The following ADGRB3 variants were observed in gnomAD, a reference collection of about 807,000 sequenced individuals.
ADGRB3 encodes brain-specific angiogenesis inhibitor 3.
Under a neutral mutation model 193.4 loss-of-function variants are expected in ADGRB3, and 37 were observed. The observed-to-expected ratio is 0.19, with a 90% confidence interval of 0.15 to 0.25. The LOEUF (loss-of-function observed/expected upper bound fraction) is 0.25. Ranked by LOEUF, ADGRB3 falls within the 10% of genes least tolerant of loss-of-function variation. ADGRB3 has a pLI of 1.00. For synonymous variants in ADGRB3, 690 were observed against 644.2 expected, an observed-to-expected ratio of 1.07 and a Z score of -1.08; for missense variants, 1,637 against 1,852.9, an observed-to-expected ratio of 0.88 and a Z score of 2.14.
At chr6:69,208,332 A>C (rs970365132) in intron 17 of ADGRB3, among the ~76,000 whole-genome samples, 1 of 152,208 alleles carries the variant, frequency 6.6e-6, no homozygotes, top group African/African-American at 2.4e-5. Context: ...AAGTCCACCA[A>C]CATACCTCTT....
chr6:69,379,163 C>T (rs1562004319), intron 30 of ADGRB3, among the ~76,000 whole-genome samples: 1 of 151,828 alleles, frequency 6.6e-6, no homozygotes, highest in African/African-American at 2.4e-5. Context: ...TTGACAGCCA[C>T]CTGAATTCTA....
At chr6:68,637,222 T>C (rs780834273) in intron 1 of ADGRB3, among the ~76,000 whole-genome samples, 169 bp from the exon 2 acceptor site, 15 of 152,182 alleles carry the variant, frequency 9.9e-5, no homozygotes, top group Non-Finnish European at 4.4e-5. Context: ...ATCTGGAAAA[T>C]GCAGATCTAT....
At chr6:68,721,630 AT>A (rs1765582465) in intron 3 of ADGRB3, among the ~76,000 whole-genome samples, 5 of 9,570 alleles carry the variant, frequency 5.2e-4, no homozygotes, top group East Asian at 9.6e-3. Context: ...TATAATAAAT[AT>A]ATATATATAT....
chr6:68,889,524 A>G (rs1766012763), intron 3 of ADGRB3, among the ~76,000 whole-genome samples: 1 of 141,092 alleles, frequency 7.1e-6, no homozygotes, highest in Non-Finnish European at 1.5e-5. Context: ...TTTTTTTGAG[A>G]CGGCTTCTCG....
chr6:68,823,602 C>T (rs1767787111), intron 3 of ADGRB3, among the ~76,000 whole-genome samples: 1 of 151,906 alleles, frequency 6.6e-6, no homozygotes, highest in Non-Finnish European at 1.5e-5. Flanking sequence ...GGAAAGATGT[C>T]TTAGAACTGT....
At chr6:68,905,863 G>T (rs995380152) in intron 3 of ADGRB3, among the ~76,000 whole-genome samples, 7 of 152,054 alleles carry the variant, frequency 4.6e-5, no homozygotes, top group Non-Finnish European at 4.4e-5. Flanking sequence ...CACTGCCTCA[G>T]TTTTCTCACA....
intron 17 of ADGRB3, among the ~76,000 whole-genome samples, chr6:69,171,052 G>A (rs1356184253): frequency 6.6e-6 from 1 of 152,020 alleles, no homozygotes. Flanking sequence ...ATTCTAAAAA[G>A]ATATTTTATT....
intron 3 of ADGRB3, among the ~76,000 whole-genome samples, chr6:68,907,641 T>C (rs1211109012): frequency 1.3e-5 from 2 of 152,000 alleles, no homozygotes; most frequent in Non-Finnish European, 2.9e-5. Flanking sequence ...CTCTCAATGA[T>C]TTCCCAATGT....
intron 20 of ADGRB3, among the ~76,000 whole-genome samples, chr6:69,270,172 G>T (rs916283282): frequency 6.6e-6 from 1 of 152,018 alleles, no homozygotes; most frequent in African/African-American, 2.4e-5. Flanking sequence ...CGTCAAAAAT[G>T]GTTTTTAGAT....
intron 29 of ADGRB3, among the ~76,000 whole-genome samples, chr6:69,363,392 T>C (rs1769493830): frequency 6.6e-6 from 1 of 152,024 alleles, no homozygotes; most frequent in Non-Finnish European, 1.5e-5. Flanking sequence ...GATGTGGGAA[T>C]GAATAATAAA....
intron 8 of ADGRB3, among the ~76,000 whole-genome samples, chr6:68,960,698 G>T (rs1462902476): frequency 3.3e-5 from 5 of 152,060 alleles, no homozygotes; most frequent in Non-Finnish European, 7.4e-5. Flanking sequence ...ATCTTCTTTT[G>T]AGTGCCTCCC....
At chr6:68,922,664 G>A (rs1005494735) in intron 3 of ADGRB3, among the ~76,000 whole-genome samples, 3 of 152,130 alleles carry the variant, frequency 2.0e-5, no homozygotes, top group African/African-American at 4.8e-5. Flanking sequence ...CATGTTCCCG[G>A]TATCTCCTTT....
intron 3 of ADGRB3, among the ~76,000 whole-genome samples, chr6:68,724,516 A>G (rs986435821): frequency 2.0e-5 from 3 of 151,654 alleles, no homozygotes; most frequent in Admixed American, 6.6e-5. Context: ...ATAATTTAAG[A>G]AAAGCCCACA....
intron 11 of ADGRB3, among the ~76,000 whole-genome samples, chr6:69,009,518 G>A (rs2150283239): frequency 6.6e-6 from 1 of 152,222 alleles, no homozygotes; most frequent in South Asian, 2.1e-4. Flanking sequence ...AGAGTATGGG[G>A]CAGGATAGCA....
intron 31 of ADGRB3, among the ~76,000 whole-genome samples, chr6:69,387,974 A>G (rs1770109690): frequency 6.6e-6 from 1 of 152,132 alleles, no homozygotes; most frequent in Non-Finnish European, 1.5e-5. Flanking sequence ...TAATTCTGAA[A>G]AAATAGAAAT....
At chr6:68,816,169 G>A (rs186701214) in intron 3 of ADGRB3, among the ~76,000 whole-genome samples, 24 of 151,938 alleles carry the variant, frequency 1.6e-4, no homozygotes, top group African/African-American at 4.6e-4. Flanking sequence ...AATAAATTAC[G>A]TTTACTTTGA....
intron 17 of ADGRB3, among the ~76,000 whole-genome samples, chr6:69,153,361 A>G (rs906297578): frequency 6.6e-5 from 10 of 152,166 alleles, no homozygotes; most frequent in African/African-American, 1.7e-4. Flanking sequence ...GATAATGTCA[A>G]TGACTTTTAA....
At chr6:68,788,160 T>C (rs1338609061) in intron 3 of ADGRB3, among the ~76,000 whole-genome samples, 3 of 152,246 alleles carry the variant, frequency 2.0e-5, no homozygotes, top group African/African-American at 7.2e-5. Context: ...TTCCTTCGGT[T>C]CTGCTCTGAT....
chr6:68,668,893 G>T (rs113886311), intron 3 of ADGRB3, among the ~76,000 whole-genome samples: 1 of 151,802 alleles, frequency 6.6e-6, no homozygotes, highest in African/African-American at 2.4e-5. Context: ...AGTTGATCAG[G>T]TTCTCTTGTT....
Sources: allele counts gnomAD v4.1 joint callset (sites outside exome capture counted in the v4.1 genomes callset), GRCh38; gene constraint gnomAD v4.1.1; transcripts MANE v1.5; gene names NCBI Gene and HGNC (gene_info 2026-07-23, HGNC 2026-07-21).